The following COL9A1 variants were observed in gnomAD, a reference collection of about 807,000 sequenced individuals.
COL9A1 encodes collagen type IX alpha 1 chain.
In COL9A1, 104 loss-of-function variants were observed where a neutral mutation model predicts 142.6. That is an observed-to-expected ratio of 0.73 (90% CI 0.62 to 0.86). COL9A1 has a LOEUF of 0.86. Ranked by LOEUF, COL9A1 falls within the 40% of genes least tolerant of loss-of-function variation. The probability of loss-of-function intolerance (pLI) is 0.00; values close to 1 mark genes in which losing one functional copy is unlikely to be tolerated. For missense variants in COL9A1, 1,210 were observed against 1,176.6 expected (o/e 1.03, Z -0.42); for synonymous variants, 466 against 396.0 (o/e 1.18, Z -2.10).
At chr6:70,215,419 C>G (rs1420991714), downstream of COL9A1, 1 of 152,168 alleles carries the variant, frequency 6.6e-6, no homozygotes, top group East Asian at 1.9e-4. Flanking sequence ...AGGGCTCACT[C>G]TCCTTTGACT....
In COL9A1 at chr6:70,216,842, C is replaced by G. The variant is rs1045330188; in HGVS notation, c.*55G>C. ...CCCAGCTTTGGATGGTGTTTCTCAC[C>G]CAGGCTCCTTCACCAGGCGTGGTTC... On this transcript the variant is annotated 3_prime_UTR_variant, in exon 38 of 38. Coordinates refer to ENST00000357250, the MANE Select transcript of COL9A1 (RefSeq NM_001851.6). 1.1e-5 allele frequency: 18 copies of G among 1,592,976 alleles called. No individual in the cohort carries two copies. In the African/African-American group the frequency reaches 2.0e-4, roughly 18 times the overall value.
chr6:70,217,126 T>A, intron 37 of COL9A1, 45 bp from the exon 38 acceptor site: 3 of 1,604,666 alleles, frequency 1.9e-6, no homozygotes, highest in Non-Finnish European at 2.6e-6. Context: ...AGAATCCTCA[T>A]TGATGCAAAC....
In COL9A1 at chr6:70,252,184, G is replaced by A. The variant is rs199918068; in HGVS notation, c.1819-11C>T. On this transcript the variant is annotated splice_polypyrimidine_tract_variant and intron_variant, in intron 27 of 37. Coordinates refer to ENST00000357250, the MANE Select transcript of COL9A1 (RefSeq NM_001851.6). ...AGGCCCCTGTTGGCCCTGTTATCAG[G>A]AAGGAAGGTAGAAAAAAAGTTAACA... 6.2e-7 allele frequency: 1 copy of A among 1,614,174 alleles called. No homozygotes were observed. Among genetic ancestry groups the A allele is most frequent in the South Asian group, 1.1e-5 (1 of 91,080 alleles).
chr6:70,240,829 G>C (rs1474513333), intron 31 of COL9A1, 96 bp from the exon 32 acceptor site: 9 of 943,430 alleles, frequency 9.5e-6, no homozygotes, highest in East Asian at 4.8e-5. Context: ...AGTGCCCACA[G>C]TGTTCCCAGA....
chr6:70,280,255 A>T, intron 10 of COL9A1: 1 of 1,229,184 alleles, frequency 8.1e-7, no homozygotes, highest in African/African-American at 1.5e-5. Flanking sequence ...ACGAAAATCT[A>T]GTTTTGAATT....
intron 13 of COL9A1, 52 bp from the exon 14 acceptor site, chr6:70,271,760 T>C (rs781690849): frequency 6.9e-6 from 10 of 1,450,292 alleles, no homozygotes; most frequent in Non-Finnish European, 9.7e-6. Context: ...TTTTACAATC[T>C]ATCATACATT....
Position 70,302,042 on chromosome 6 carries a change from A to T in COL9A1, c.47T>A (p.Phe16Tyr). Residue 16 changes from phenylalanine to tyrosine, a missense_variant, in exon 2 of 38, where the codon TTC becomes TAC. Phe to Tyr is a conservative substitution (Grantham distance 22). Coordinates refer to ENST00000357250, the MANE Select transcript of COL9A1 (RefSeq NM_001851.6). Reference sequence around the variant, plus strand: ...AGCTGCAGATGCCCAGGGTTCCAGGAAACTGCACACAAAGAAGAAAACTGG... The same window carrying T: ...AGCTGCAGATGCCCAGGGTTCCAGGTAACTGCACACAAAGAAGAAAACTGG... ...KIPVFFFVCS[F>Y]LEPWASAAVK... 6.2e-7 allele frequency: 1 copy of T among 1,612,184 alleles called. No individual in the cohort carries two copies. Among genetic ancestry groups the T allele is most frequent in the Non-Finnish European group, 8.5e-7 (1 of 1,179,306 alleles).
chr6:70,283,087 C>T (rs1773276291), intron 6 of COL9A1, 169 bp from the exon 7 acceptor site: 10 of 1,556,642 alleles, frequency 6.4e-6, no homozygotes, highest in Non-Finnish European at 8.6e-6. Context: ...TGGCCCGGCT[C>T]TGCAGCCTGG....
At chr6:70,240,226 G>A (rs979938648) in intron 32 of COL9A1, among the ~76,000 whole-genome samples, 2 of 152,100 alleles carry the variant, frequency 1.3e-5, no homozygotes, top group African/African-American at 2.4e-5. Context: ...TCACTTTTTC[G>A]GAGGGTTTTA....
At chr6:70,232,852 C>T (rs1043172574) in intron 35 of COL9A1, 81 bp from the exon 36 acceptor site, 2 of 1,391,788 alleles carry the variant, frequency 1.4e-6, no homozygotes, top group Non-Finnish European at 2.0e-6. Context: ...ATTCCAAATG[C>T]CTTTTTTTCT....
intron 4 of COL9A1, among the ~76,000 whole-genome samples, chr6:70,298,081 A>T (rs2127607247): frequency 6.6e-6 from 1 of 152,280 alleles, no homozygotes; most frequent in South Asian, 2.1e-4. Context: ...AGCAATTCCC[A>T]TCCCTAGTCT....
Position 70,300,179 on chromosome 6 carries a change from T to A in COL9A1, c.167-4A>T. ...AACTGAGAGATCAGATCAAACCCTA[T>A]AGAATGGGAATACAAAATGAAAAGT... On this transcript the variant is annotated splice_polypyrimidine_tract_variant and splice_region_variant and intron_variant, in intron 3 of 37. Transcript: ENST00000357250. The A allele has an allele frequency of 6.2e-7, 1 of 1,613,688 alleles. No homozygotes were observed. The highest frequency in any genetic ancestry group is 8.5e-7 in the Non-Finnish European group (1 of 1,179,862).
intron 4 of COL9A1, among the ~76,000 whole-genome samples, chr6:70,298,578 C>G (rs2127607517): frequency 6.6e-6 from 1 of 152,176 alleles, no homozygotes; most frequent in Middle Eastern, 3.4e-3. Context: ...AGCCTGGGTA[C>G]ATTATTTAGT....
chr6:70,294,183 G>T lies in COL9A1; in HGVS notation c.680C>A (p.Pro227His). ...TATACTTACTGGAACAGAAACTTGA[G>T]GATTATCTGCAAGTTTTCCCAGCAC... is the stretch of plus-strand genomic sequence containing the variant. The part of the protein sequence containing the change: ...FAVLGKLADN[P>H]QVSVPFELQW... Residue 227 changes from proline to histidine, a missense_variant, in exon 5 of 38, where the codon CCT becomes CAT. Physicochemically the swap from Pro to His is moderately conservative, Grantham distance 77 (BLOSUM62 -2). Coordinates refer to ENST00000357250, the MANE Select transcript of COL9A1 (RefSeq NM_001851.6). The T allele has an allele frequency of 6.2e-7, 1 of 1,613,960 alleles. No individual in the cohort carries two copies. The highest frequency in any genetic ancestry group is 8.5e-7 in the Non-Finnish European group (1 of 1,179,914).
At chr6:70,259,485 A>G (rs1365112818) in intron 20 of COL9A1, among the ~76,000 whole-genome samples, 2 of 152,152 alleles carry the variant, frequency 1.3e-5, no homozygotes, top group African/African-American at 4.8e-5. Context: ...CACACCCTAC[A>G]CACACGCCAA....
At chr6:70,287,872 T>C (rs1773516090) in intron 5 of COL9A1, among the ~76,000 whole-genome samples, 1 of 152,214 alleles carries the variant, frequency 6.6e-6, no homozygotes. Context: ...TCTTAATCTC[T>C]TTTGACAAAT....
intron 11 of COL9A1, among the ~76,000 whole-genome samples, chr6:70,274,355 C>T (rs765637719): frequency 1.3e-5 from 2 of 152,100 alleles, no homozygotes; most frequent in African/African-American, 2.4e-5. Context: ...GATGCTCTCC[C>T]TCCTCCCACC....
rs1350598145 is a variant in COL9A1 at position 70,242,149 on chromosome 6, T to A, written c.1927-114A>T. ...GTGTCTAAAATAAACGTGCTGTGGT[T>A]GGTTGAACTCTGCTTCTTGGGTTTG... On this transcript the variant is annotated intron_variant, in intron 29 of 37. Coordinates refer to ENST00000357250, the MANE Select transcript of COL9A1 (RefSeq NM_001851.6). The A allele has an allele frequency of 4.5e-6, 4 of 895,928 alleles. No individual in the cohort carries two copies. In the African/African-American group the frequency reaches 5.0e-5, roughly 11 times the overall value. 55.5% of individuals were successfully genotyped at this position (895,928 alleles called of 1,614,324 possible). A position where few individuals can be genotyped will look rare whatever the true frequency, so the allele number is the denominator to read the frequency against.
At chr6:70,232,277 C>T (rs1048765094) in intron 36 of COL9A1, among the ~76,000 whole-genome samples, 1 of 152,062 alleles carries the variant, frequency 6.6e-6, no homozygotes, top group Admixed American at 6.5e-5. Context: ...GCTGAATGAT[C>T]GTTTACCAGA....
Sources: gnomAD v4.1 joint callset for allele counts (sites outside exome capture counted in the v4.1 genomes callset) on GRCh38, gnomAD v4.1.1 for gene constraint, MANE v1.5 for transcripts, NCBI Gene and HGNC (gene_info 2026-07-23, HGNC 2026-07-21) for gene names.